RNF111: variants seen among roughly 807,000 people sequenced by gnomAD.
RNF111 encodes ring finger protein 111.
In RNF111, 17 loss-of-function variants were observed where a neutral mutation model predicts 95.1. The observed-to-expected ratio is 0.18, with a 90% CI of 0.12 to 0.27. The LOEUF is 0.27. RNF111 is among the 10% of genes least tolerant of loss of function. The probability of loss-of-function intolerance (pLI) is 1.00; values close to 1 mark genes in which losing one functional copy is unlikely to be tolerated. For missense variants in RNF111, 1,189 were observed against 1,210.4 expected, an observed-to-expected ratio of 0.98 and a Z score of 0.26; for synonymous variants, 440 against 414.8, an observed-to-expected ratio of 1.06 and a Z score of -0.74.
chr15:58,991,578 AG>A (rs535105599), intron 1 of RNF111, among the ~76,000 whole-genome samples: 1 of 152,120 alleles, frequency 6.6e-6, no homozygotes, highest in Non-Finnish European at 1.5e-5. Flanking sequence ...GTGGTTAGGG[AG>A]GGCCTTTTTA....
chr15:58,991,172 C>T (rs971785089), intron 1 of RNF111, among the ~76,000 whole-genome samples: 15 of 151,860 alleles, frequency 9.9e-5, no homozygotes, highest in African/African-American at 3.6e-4. Flanking sequence ...TGGTGGCATG[C>T]GCCTGTAATC....
rs2041782863 is a variant in RNF111 at position 59,047,766 on chromosome 15, G to A, written c.881-4539G>A. 2.6e-5 allele frequency among the ~76,000 whole-genome samples: 4 copies of A among 151,798 alleles called. No individual in the cohort carries two copies. In the South Asian group the frequency reaches 8.3e-4, roughly 32 times the overall value. ...AATTTTTGTGTTTTTTGTAGAGACA[G>A]TTTTTCGCCATGTTGCCCAGGCTGG... On this transcript the variant is annotated intron_variant, in intron 2 of 13. Coordinates refer to ENST00000348370, the MANE Select transcript of RNF111 (RefSeq NM_017610.8).
At chr15:59,051,877 A>G (rs2042002977) in intron 2 of RNF111, among the ~76,000 whole-genome samples, 1 of 152,142 alleles carries the variant, frequency 6.6e-6, no homozygotes, top group African/African-American at 2.4e-5. Context: ...AAAAGAATAT[A>G]TCACCTAAAT....
chr15:59,062,384 C>T (rs2042477799), intron 5 of RNF111, among the ~76,000 whole-genome samples: 1 of 152,166 alleles, frequency 6.6e-6, no homozygotes, highest in South Asian at 2.1e-4. Flanking sequence ...GACATCTCTC[C>T]TGGACCGTTC....
intron 5 of RNF111, among the ~76,000 whole-genome samples, chr15:59,059,830 C>T (rs191643125): frequency 7.4e-4 from 113 of 152,334 alleles, no homozygotes; most frequent in Admixed American, 2.1e-3. Context: ...AATAGGGACA[C>T]TGTAGACCCT....
intron 5 of RNF111, among the ~76,000 whole-genome samples, chr15:59,062,228 A>G (rs2042471337): frequency 6.6e-6 from 1 of 151,760 alleles, no homozygotes; most frequent in Non-Finnish European, 1.5e-5. Flanking sequence ...TTTTTTGTAG[A>G]GATAGGGTTT....
intron 1 of RNF111, among the ~76,000 whole-genome samples, chr15:59,007,115 T>G (rs541638314): frequency 6.6e-6 from 1 of 152,324 alleles, no homozygotes; most frequent in African/African-American, 2.4e-5. Context: ...TGCACAAATC[T>G]TAAGTATACC....
At chr15:59,079,559 C>T (rs1211091287) in intron 7 of RNF111, among the ~76,000 whole-genome samples, 1 of 152,096 alleles carries the variant, frequency 6.6e-6, no homozygotes, top group African/African-American at 2.4e-5. Context: ...AAATTGAAAA[C>T]TTCTGTAATG....
intron 6 of RNF111, among the ~76,000 whole-genome samples, chr15:59,075,582 G>A (rs2043131420): frequency 6.6e-6 from 1 of 152,158 alleles, no homozygotes; most frequent in African/African-American, 2.4e-5. Flanking sequence ...TAAAGTACTA[G>A]TCACAATGTT....
chr15:59,084,091 A>G (rs368743394), intron 8 of RNF111, 38 bp from the exon 9 acceptor site: 140 of 1,536,386 alleles, frequency 9.1e-5, no homozygotes, highest in Middle Eastern at 1.7e-4. Flanking sequence ...CAATTATTCA[A>G]TTATTTCCAG....
intron 5 of RNF111, among the ~76,000 whole-genome samples, chr15:59,060,810 T>TTC (rs1307108753): frequency 8.0e-6 from 1 of 124,864 alleles, no homozygotes; most frequent in Non-Finnish European, 1.7e-5. Context: ...TATTATTATT[T>TTC]TTTTTTTTGT....
chr15:59,085,599 A>G (rs2140204358), intron 9 of RNF111, 60 bp from the exon 10 acceptor site: 1 of 1,477,470 alleles, frequency 6.8e-7, no homozygotes, highest in East Asian at 2.4e-5. Context: ...ATAACTCCCC[A>G]TGTCTGTTGA....
At chr15:59,092,423 G>A in intron 12 of RNF111, 114 bp from the exon 13 acceptor site, 4 of 1,114,782 alleles carry the variant, frequency 3.6e-6, no homozygotes, top group Non-Finnish European at 4.8e-6. Flanking sequence ...GGAAAAAAGT[G>A]CGGGTGAATA....
intron 1 of RNF111, among the ~76,000 whole-genome samples, chr15:58,998,061 C>T (rs936971292): frequency 3.3e-5 from 5 of 151,420 alleles, no homozygotes; most frequent in Non-Finnish European, 5.9e-5. Flanking sequence ...CGTGCCACCA[C>T]ACCCGGCTAA....
chr15:59,030,736 A>G, intron 1 of RNF111, 68 bp from the exon 2 acceptor site: 1 of 1,097,132 alleles, frequency 9.1e-7, no homozygotes, highest in Non-Finnish European at 1.3e-6. Flanking sequence ...GGAATTTGAG[A>G]ACTCTTCAAT....
chr15:59,060,940 C>T (rs2042410245), intron 5 of RNF111, among the ~76,000 whole-genome samples: 1 of 151,894 alleles, frequency 6.6e-6, no homozygotes, highest in Admixed American at 6.6e-5. Flanking sequence ...ACAGGCATGA[C>T]CACCACGTCC....
chr15:59,096,705 A>G lies in RNF111; in HGVS notation c.*1805A>G, dbSNP rs2079181430. On this transcript the variant is annotated 3_prime_UTR_variant, in exon 14 of 14. Transcript: ENST00000348370. ...GGTTATAGAAGGTCAGGGGAGAGTG[A>G]AGGAGTCAGTGACCTATGTCTGCCA... 6.6e-6 allele frequency: 1 copy of G among 152,228 alleles called. No individual in the cohort carries two copies. Among genetic ancestry groups the G allele is most frequent in the Non-Finnish European group, 1.5e-5 (1 of 68,052 alleles). The allele number at this position is 152,228 out of a possible 1,614,324, so 9.4% of individuals were successfully genotyped here.
Position 59,076,043 on chromosome 15 carries a change from C to G in RNF111, c.1776C>G (p.Cys592Trp). Residue 592 changes from cysteine to tryptophan, a missense_variant, in exon 7 of 14, where the codon TGC (cysteine) becomes TGG (tryptophan). Physicochemically the swap from Cys to Trp is radical, Grantham distance 215 (BLOSUM62 -2). Transcript: ENST00000348370. Reference sequence around the variant, plus strand: ...GAGCATCTGCATTTGACCCCTGCTGCCCTGTTTCTTCCTCCCGAGCTGCAA... The same window carrying G: ...GAGCATCTGCATTTGACCCCTGCTGGCCTGTTTCTTCCTCCCGAGCTGCAA... ...FHGASAFDPC[C>W]PVSSSRAAIF... 1 of 1,614,224 alleles carries G rather than the reference C, an allele frequency of 6.2e-7. No individual in the cohort carries two copies. The highest frequency in any genetic ancestry group is 1.1e-5 in the South Asian group (1 of 91,086).
chr15:59,067,538 TA>T (rs1334706730), intron 6 of RNF111, among the ~76,000 whole-genome samples: 2 of 152,306 alleles, frequency 1.3e-5, no homozygotes, highest in East Asian at 3.9e-4. Context: ...GAAAATGGCC[TA>T]ATTTAGTGGT....
Sources: allele counts gnomAD v4.1 joint callset (sites outside exome capture counted in the v4.1 genomes callset), GRCh38; gene constraint gnomAD v4.1.1; transcripts MANE v1.5; gene names NCBI Gene and HGNC (gene_info 2026-07-23, HGNC 2026-07-21).